The following ZCCHC17 variants were observed in gnomAD, a reference collection of about 807,000 sequenced individuals.
ZCCHC17 encodes zinc finger CCHC domain-containing protein 17.
In ZCCHC17, 18 loss-of-function variants were observed where a neutral mutation model predicts 30.6. That is an observed-to-expected ratio of 0.59 (90% CI 0.41 to 0.87). The LOEUF (loss-of-function observed/expected upper bound fraction) is 0.87. Ranked by LOEUF, ZCCHC17 falls within the 40% of genes least tolerant of loss-of-function variation. The pLI is 0.00. For synonymous variants in ZCCHC17, 88 were observed against 92.4 expected, an observed-to-expected ratio of 0.95 and a Z score of 0.27; for missense variants, 263 against 284.2, an observed-to-expected ratio of 0.93 and a Z score of 0.54.
At chr1:31,301,373 T>C (rs926686960) in intron 1 of ZCCHC17, among the ~76,000 whole-genome samples, 1 of 152,248 alleles carries the variant, frequency 6.6e-6, no homozygotes, top group Admixed American at 6.5e-5. Context: ...TTTTGCAATC[T>C]TGAGCGAGTT....
chr1:31,355,178 TAAAA>T (rs59792081), intron 7 of ZCCHC17, among the ~76,000 whole-genome samples: 1 of 137,754 alleles, frequency 7.3e-6, no homozygotes, highest in African/African-American at 2.9e-5. Context: ...CCATCTCAAT[TAAAA>T]AAAAAAAAAA....
chr1:31,357,500 G>C (rs1038140826), intron 7 of ZCCHC17, among the ~76,000 whole-genome samples: 10 of 152,222 alleles, frequency 6.6e-5, no homozygotes, highest in Non-Finnish European at 1.2e-4. Context: ...GCTAAGCTCT[G>C]TTCTGGCCAT....
chr1:31,348,264 A>G (rs1639346834), intron 6 of ZCCHC17, among the ~76,000 whole-genome samples: 1 of 152,192 alleles, frequency 6.6e-6, no homozygotes. Context: ...CTGGGCTTTC[A>G]TCTTCTACAA....
At chr1:31,362,270 G>A (rs1182543877) in intron 7 of ZCCHC17, among the ~76,000 whole-genome samples, 1 of 152,168 alleles carries the variant, frequency 6.6e-6, no homozygotes, top group Non-Finnish European at 1.5e-5. Flanking sequence ...ATTTTTCACA[G>A]CCAGCTTCTA....
intron 3 of ZCCHC17, among the ~76,000 whole-genome samples, chr1:31,330,966 G>C (rs566869683): frequency 5.3e-5 from 8 of 152,146 alleles, no homozygotes; most frequent in Non-Finnish European, 1.2e-4. Context: ...CTCCCATACA[G>C]AGTATAGTTT....
chr1:31,326,169 A>G (rs897155909), intron 3 of ZCCHC17, among the ~76,000 whole-genome samples: 7 of 152,166 alleles, frequency 4.6e-5, no homozygotes, highest in African/African-American at 1.7e-4. Flanking sequence ...TTTAGAAGAA[A>G]GGCTGGAGGA....
chr1:31,318,241 G>A, intron 2 of ZCCHC17: 1 of 1,529,478 alleles, frequency 6.5e-7, no homozygotes, highest in Non-Finnish European at 8.8e-7. Flanking sequence ...GTTTATGTAT[G>A]TAAGATTATA....
intron 1 of ZCCHC17, among the ~76,000 whole-genome samples, chr1:31,307,382 G>A (rs569423806): frequency 6.6e-6 from 1 of 151,902 alleles, no homozygotes; most frequent in African/African-American, 2.4e-5. Flanking sequence ...AAGTCTGTAA[G>A]CAACAATGTA....
intron 5 of ZCCHC17, among the ~76,000 whole-genome samples, chr1:31,341,692 A>G (rs1639053088): frequency 2.0e-5 from 3 of 152,224 alleles, no homozygotes; most frequent in South Asian, 2.1e-4. Context: ...CTCCAAACTA[A>G]TATATGACTT....
At chr1:31,345,502 C>T (rs1466147374) in intron 5 of ZCCHC17, among the ~76,000 whole-genome samples, 1 of 13,970 alleles carries the variant, frequency 7.2e-5, no homozygotes, top group Non-Finnish European at 1.5e-4. Context: ...TTGGTATGTT[C>T]AAATTATGAA....
chr1:31,323,536 T>C (rs1646912131), intron 3 of ZCCHC17, among the ~76,000 whole-genome samples: 1 of 152,178 alleles, frequency 6.6e-6, no homozygotes, highest in Admixed American at 6.5e-5. Flanking sequence ...TTAGCCAGGA[T>C]GGTCTCGATC....
intron 1 of ZCCHC17, among the ~76,000 whole-genome samples, chr1:31,308,532 A>G (rs1452012121): frequency 2.6e-5 from 4 of 152,256 alleles, no homozygotes; most frequent in Non-Finnish European, 5.9e-5. Flanking sequence ...TGAAAACACA[A>G]GAAAAATAAT....
rs190374273 is a variant in ZCCHC17, at chr1:31,315,531, G to A, written c.67-3578G>A. ...CTTGCCATAGCCCAAGAAATGCTGA[G>A]GGGAGATTCATGTTGGTAAGGTCGA... On this transcript the variant is annotated intron_variant, in intron 2 of 7. Transcript: ENST00000344147. Among the ~76,000 whole-genome samples the A allele has an allele frequency of 8.5e-5, 13 of 152,246 alleles. No individual in the cohort carries two copies. In the East Asian group the frequency reaches 2.5e-3, roughly 29 times the overall value.
intron 1 of ZCCHC17, among the ~76,000 whole-genome samples, chr1:31,308,787 G>A (rs145673399): frequency 6.6e-6 from 1 of 152,228 alleles, no homozygotes; most frequent in Non-Finnish European, 1.5e-5. Flanking sequence ...GGTTGAAAAT[G>A]CATTATCTCA....
At chr1:31,322,697 C>T (rs923566370) in intron 3 of ZCCHC17, among the ~76,000 whole-genome samples, 7 of 150,262 alleles carry the variant, frequency 4.7e-5, no homozygotes, top group African/African-American at 4.9e-5. Context: ...CTCCCCTTCC[C>T]GGAAGTCAGA....
At chr1:31,351,615 G>A (rs996765668) in intron 7 of ZCCHC17, among the ~76,000 whole-genome samples, 1 of 152,128 alleles carries the variant, frequency 6.6e-6, no homozygotes, top group Non-Finnish European at 1.5e-5. Flanking sequence ...GGTGGGGCAC[G>A]GACTGTGGTC....
intron 5 of ZCCHC17, among the ~76,000 whole-genome samples, chr1:31,345,472 T>C (rs575935773): frequency 9.0e-4 from 107 of 119,098 alleles, no homozygotes; most frequent in Non-Finnish European, 1.4e-3. Context: ...TTCTGTTTTT[T>C]GATCTGAGTA....
chr1:31,310,695 A>T (rs1646579487), intron 2 of ZCCHC17, among the ~76,000 whole-genome samples: 1 of 152,268 alleles, frequency 6.6e-6, no homozygotes. Flanking sequence ...CTATGAGCCA[A>T]ATAAATTTCA....
At position 31,364,511 on chromosome 1, in the gene ZCCHC17, T is replaced by G; in HGVS notation, c.*318T>G. 2.9e-6 allele frequency: 1 copy of G among 346,180 alleles called. No homozygotes were observed. The highest frequency in any genetic ancestry group is 5.3e-6 in the Non-Finnish European group (1 of 186,956). The allele number at this position is 346,180 out of a possible 1,614,324, so 21.4% of individuals were successfully genotyped here. A position where few individuals can be genotyped will look rare whatever the true frequency, so the allele number is the denominator to read the frequency against. On this transcript the variant is annotated 3_prime_UTR_variant, in exon 8 of 8. Coordinates refer to ENST00000344147, the MANE Select transcript of ZCCHC17 (RefSeq NM_016505.4). ...TCCAGCTGCCACTGCCAGAGCTGGA[T>G]TCCTGTAAAGGAGTCCAGGCTAGAG...
Sources: allele counts gnomAD v4.1 joint callset (sites outside exome capture counted in the v4.1 genomes callset), GRCh38; gene constraint gnomAD v4.1.1; transcripts MANE v1.5; gene names NCBI Gene and HGNC (gene_info 2026-07-23, HGNC 2026-07-21).